Variants in RSPRY1 observed in about 807,000 individuals in gnomAD.
RSPRY1 encodes ring finger and SPRY domain containing 1, also known as RING finger and SPRY domain-containing protein 1.
RSPRY1 carries 23 observed loss-of-function variants against 73.1 expected under a neutral mutation model. That is an observed-to-expected ratio of 0.31 (90% CI 0.23 to 0.45). The LOEUF (loss-of-function observed/expected upper bound fraction) is 0.45, where lower values mean the gene tolerates loss of function less well. Among genes scored for constraint, RSPRY1 ranks in the 20% least tolerant of loss-of-function variants. The pLI is 1.00. For synonymous variants in RSPRY1, 226 were observed against 251.4 expected (o/e 0.90, Z 0.95); for missense variants, 448 against 698.7 (o/e 0.64, Z 4.05).
At chr16:57,200,946 CCG>C (rs1491362934) in intron 1 of RSPRY1, among the ~76,000 whole-genome samples, 1 of 20,726 alleles carries the variant, frequency 4.8e-5, no homozygotes, top group African/African-American at 1.5e-4. Flanking sequence ...GGGCGGCTGG[CCG>C]GGGGGGGGGG....
intron 8 of RSPRY1, chr16:57,220,497 A>G (rs950216747): frequency 3.0e-5 from 8 of 266,850 alleles, no homozygotes; most frequent in Non-Finnish European, 5.8e-5. Flanking sequence ...TGTTAATTTT[A>G]TATCCTGCAA....
chr16:57,229,480 G>T (rs1366741269), intron 11 of RSPRY1, among the ~76,000 whole-genome samples: 1 of 151,762 alleles, frequency 6.6e-6, no homozygotes, highest in East Asian at 1.9e-4. Flanking sequence ...TTTGCCAGGG[G>T]TGGTGGCACG....
chr16:57,237,024 C>T (rs1459558423), intron 14 of RSPRY1, among the ~76,000 whole-genome samples: 10 of 152,108 alleles, frequency 6.6e-5, no homozygotes, highest in Non-Finnish European at 8.8e-5. Context: ...AAAAATTACC[C>T]GGGCGTGGTG....
chr16:57,216,073 T>TC, intron 6 of RSPRY1, 34 bp from the exon 7 acceptor site: 2 of 1,520,218 alleles, frequency 1.3e-6, no homozygotes, highest in Non-Finnish European at 1.8e-6. Flanking sequence ...GGAATGATTT[T>TC]TTTTTTTTTT....
At chr16:57,232,202 GT>G (rs1242628473) in intron 13 of RSPRY1, among the ~76,000 whole-genome samples, 1 of 152,172 alleles carries the variant, frequency 6.6e-6, no homozygotes, top group Non-Finnish European at 1.5e-5. Context: ...TATCTGTAAC[GT>G]AATCCTAGCT....
At chr16:57,231,353 C>T in intron 13 of RSPRY1, 34 bp downstream of exon 13, 1 of 1,565,844 alleles carries the variant, frequency 6.4e-7, no homozygotes. Context: ...TCCAGACTTT[C>T]ACATGAATCT....
chr16:57,223,394 T>C (rs2075070340), intron 10 of RSPRY1, among the ~76,000 whole-genome samples: 1 of 152,216 alleles, frequency 6.6e-6, no homozygotes, highest in African/African-American at 2.4e-5. Context: ...TCAGGTAACC[T>C]ACAGAACAGT....
intron 1 of RSPRY1, among the ~76,000 whole-genome samples, chr16:57,189,857 C>T (rs772196800): frequency 6.6e-6 from 1 of 151,986 alleles, no homozygotes; most frequent in Non-Finnish European, 1.5e-5. Context: ...TCCCAAGGTG[C>T]TAGGATTACA....
intron 1 of RSPRY1, among the ~76,000 whole-genome samples, chr16:57,187,739 T>A (rs185546909): frequency 6.6e-6 from 1 of 152,192 alleles, no homozygotes; most frequent in South Asian, 2.1e-4. Flanking sequence ...AGCCATATTG[T>A]ACTGAAAGCT....
intron 1 of RSPRY1, among the ~76,000 whole-genome samples, chr16:57,201,934 CA>C (rs2074621711): frequency 6.6e-6 from 1 of 152,176 alleles, no homozygotes; most frequent in African/African-American, 2.4e-5. Context: ...GGCTTGGCAT[CA>C]GGGGGAGACC....
At chr16:57,200,496 C>T (rs1238741470) in intron 1 of RSPRY1, among the ~76,000 whole-genome samples, 1 of 150,134 alleles carries the variant, frequency 6.7e-6, no homozygotes, top group East Asian at 2.0e-4. Context: ...GCAGAGGCGC[C>T]CCTCACCTCC....
chr16:57,192,492 C>T (rs2074367364), intron 1 of RSPRY1, among the ~76,000 whole-genome samples: 2 of 152,188 alleles, frequency 1.3e-5, no homozygotes, highest in South Asian at 4.1e-4. Flanking sequence ...TTTACTTCCC[C>T]TTTTTTACTA....
chr16:57,216,213 T>C, intron 7 of RSPRY1, 40 bp downstream of exon 7: 1 of 1,456,762 alleles, frequency 6.9e-7, no homozygotes, highest in Admixed American at 1.7e-5. Flanking sequence ...TCTTCTGTAT[T>C]GGTTGTTAAA....
intron 1 of RSPRY1, among the ~76,000 whole-genome samples, chr16:57,198,751 T>G (rs2074501518): frequency 6.6e-6 from 1 of 152,234 alleles, no homozygotes; most frequent in South Asian, 2.1e-4. Flanking sequence ...AGGTATGTTT[T>G]CCCCAATTTG....
chr16:57,218,694 T>G (rs2074980945), intron 8 of RSPRY1, among the ~76,000 whole-genome samples: 1 of 148,726 alleles, frequency 6.7e-6, no homozygotes, highest in Non-Finnish European at 1.5e-5. Flanking sequence ...TGAACAGTAC[T>G]CCATTTTGTA....
intron 3 of RSPRY1, 106 bp downstream of exon 3, chr16:57,208,216 A>G (rs2074762834): frequency 2.9e-6 from 2 of 679,666 alleles, no homozygotes; most frequent in South Asian, 4.0e-5. Flanking sequence ...AAAAGACTCC[A>G]AAAATACAGC....
intron 5 of RSPRY1, 64 bp from the exon 6 acceptor site, chr16:57,213,824 G>A: frequency 8.5e-7 from 1 of 1,171,488 alleles, no homozygotes; most frequent in Non-Finnish European, 1.3e-6. Flanking sequence ...CAATTTGATT[G>A]TTACCAGTGA....
intron 6 of RSPRY1, among the ~76,000 whole-genome samples, chr16:57,214,524 A>G (rs2074903799): frequency 6.6e-6 from 1 of 152,130 alleles, no homozygotes; most frequent in African/African-American, 2.4e-5. Context: ...CCCTTTTCAA[A>G]ACTCTGGTCT....
At chr16:57,206,528 G>A (rs947810935) in intron 2 of RSPRY1, among the ~76,000 whole-genome samples, 1 of 152,144 alleles carries the variant, frequency 6.6e-6, no homozygotes, top group East Asian at 1.9e-4. Context: ...GGAAAAATGG[G>A]TGCAGAATAG....
Sources: allele counts gnomAD v4.1 joint callset (sites outside exome capture counted in the v4.1 genomes callset), GRCh38; gene constraint gnomAD v4.1.1; transcripts MANE v1.5; gene names NCBI Gene and HGNC (gene_info 2026-07-23, HGNC 2026-07-21).